CACNB4: variants seen among roughly 807,000 people sequenced by gnomAD.
The protein encoded by CACNB4 is voltage-dependent L-type calcium channel subunit beta-4.
A neutral mutation model predicts 71.2 loss-of-function variants in CACNB4; 32 were observed. That is an observed-to-expected ratio of 0.45 (90% CI 0.34 to 0.60). The LOEUF (loss-of-function observed/expected upper bound fraction) is 0.60, where lower values mean the gene tolerates loss of function less well. Among genes scored for constraint, CACNB4 ranks in the 20% least tolerant of loss-of-function variants. CACNB4 has a pLI of 0.01. For missense variants in CACNB4, 464 were observed against 647.9 expected (o/e 0.72, Z 3.08); for synonymous variants, 231 against 236.9 (o/e 0.97, Z 0.23).
At position 151,870,850 on chromosome 2, in the gene CACNB4, G is replaced by A. The variant is rs1431140995; in HGVS notation, c.610C>T (p.Gln204Ter). The change falls in exon 7 of 14, where the codon CAA (glutamine) becomes TAA (stop). Residue 204 changes from glutamine (Q) to a stop codon, truncating the protein, a stop_gained. Coordinates refer to ENST00000539935, the MANE Select transcript of CACNB4 (RefSeq NM_000726.5). LOFTEE classifies it high-confidence loss of function. ...ATPTSTAKQK[Q>*]KVTEHIPPYD... ...AAGGAAACACAACTTACCACTTTTT[G>A]CTTCTGTTTTGCTAAAAGACAATAA... 1 of 1,601,972 alleles carries A rather than the reference G, an allele frequency of 6.2e-7. No individual in the cohort carries two copies. Among genetic ancestry groups the A allele is most frequent in the African/African-American group, 1.3e-5 (1 of 74,680 alleles).
chr2:151,927,167 G>A (rs1005426372), intron 2 of CACNB4, among the ~76,000 whole-genome samples: 4 of 152,168 alleles, frequency 2.6e-5, no homozygotes, highest in Admixed American at 2.6e-4. Context: ...AGGAGAAGGA[G>A]AAAGAAACAT....
intron 2 of CACNB4, among the ~76,000 whole-genome samples, chr2:152,011,627 A>T (rs1383075337): frequency 6.6e-6 from 1 of 152,176 alleles, no homozygotes; most frequent in African/African-American, 2.4e-5. Context: ...TTTTTGACTG[A>T]TCACCCTGGT....
chr2:152,085,713 G>A (rs1037501414), intron 2 of CACNB4, among the ~76,000 whole-genome samples: 2 of 151,902 alleles, frequency 1.3e-5, no homozygotes, highest in African/African-American at 4.8e-5. Context: ...CACAGTTGTG[G>A]AGGGAGGCCA....
chr2:151,869,272 C>T (rs2099843978), intron 8 of CACNB4, 37 bp from the exon 9 acceptor site: 2 of 1,266,712 alleles, frequency 1.6e-6, no homozygotes, highest in Non-Finnish European at 2.3e-6. Context: ...GAGGCAAACA[C>T]ATGCAGAGAG....
intron 2 of CACNB4, among the ~76,000 whole-genome samples, chr2:152,059,653 A>C (rs968888591): frequency 6.6e-6 from 1 of 152,262 alleles, no homozygotes; most frequent in African/African-American, 2.4e-5. Context: ...GCATTGTCTC[A>C]GATGAGACTG....
At chr2:151,973,100 C>T (rs2099873061) in intron 2 of CACNB4, 1 of 152,276 alleles carries the variant, frequency 6.6e-6, no homozygotes, top group African/African-American at 2.4e-5. Context: ...CTTCGCTCTT[C>T]CAAGGTAGAG....
At chr2:152,005,837 CA>C (rs1303004959) in intron 2 of CACNB4, among the ~76,000 whole-genome samples, 1 of 152,188 alleles carries the variant, frequency 6.6e-6, no homozygotes, top group Non-Finnish European at 1.5e-5. Context: ...TCTGCACCTC[CA>C]TTTCCTTATT....
At chr2:151,881,980 A>G (rs371333602) in intron 3 of CACNB4, among the ~76,000 whole-genome samples, 1 of 148,820 alleles carries the variant, frequency 6.7e-6, no homozygotes, top group Non-Finnish European at 1.5e-5. Context: ...TCCTGGGTTC[A>G]AGTGATTCTC....
chr2:151,901,706 A>G (rs2099853478), intron 2 of CACNB4, among the ~76,000 whole-genome samples: 2 of 152,224 alleles, frequency 1.3e-5, no homozygotes, highest in African/African-American at 4.8e-5. Flanking sequence ...ATAACCAAAG[A>G]ACATAAAAAT....
rs202174702 is a variant in CACNB4 at position 152,058,271 on chromosome 2, A to T, written c.147+40059T>A. ...GACTAATACAGTAAATTGGTACCGC[A>T]AAGAGGGGGGTACTGCTATAAAGAC... On this transcript the variant is annotated intron_variant, in intron 2 of 13. Coordinates refer to ENST00000539935, the MANE Select transcript of CACNB4 (RefSeq NM_000726.5). Among the ~76,000 whole-genome samples the T allele has an allele frequency of 7.9e-5, 12 of 152,314 alleles. No homozygotes were observed. In the East Asian group the frequency reaches 2.1e-3, roughly 27 times the overall value.
At position 152,098,632 on chromosome 2, in the gene CACNB4, A is replaced by G. The variant is rs1381536682; in HGVS notation, c.64-219T>C. ...AGATGCTCGAGAAGAGCAGCCCGCA[A>G]GCACCCACCACATCCATTAACAAAG... On this transcript the variant is annotated intron_variant, in intron 1 of 13. Transcript: ENST00000539935. This position sits in a 1 kb window ranked among gnomAD's most constrained non-coding sequence, Gnocchi z 5.3. 6.4e-7 allele frequency: 1 copy of G among 1,567,038 alleles called. No homozygotes were observed. Among genetic ancestry groups the G allele is most frequent in the Non-Finnish European group, 8.7e-7 (1 of 1,155,500 alleles).
At chr2:152,040,695 C>G (rs1163521630) in intron 2 of CACNB4, among the ~76,000 whole-genome samples, 2 of 152,232 alleles carry the variant, frequency 1.3e-5, no homozygotes, top group Non-Finnish European at 2.9e-5. Context: ...CTCGCCTCGG[C>G]CTCCCAAAGT....
intron 12 of CACNB4, among the ~76,000 whole-genome samples, chr2:151,843,286 A>G (rs376240993): frequency 6.6e-6 from 1 of 152,232 alleles, no homozygotes; most frequent in Admixed American, 6.5e-5. Context: ...GTCATTCCAC[A>G]GGTAAGTGTT....
intron 2 of CACNB4, among the ~76,000 whole-genome samples, chr2:152,032,852 A>G (rs945467465): frequency 2.0e-5 from 3 of 152,194 alleles, no homozygotes; most frequent in African/African-American, 4.8e-5. Context: ...TACTCAGGAG[A>G]CTGAGGCAAG....
chr2:151,988,420 A>T (rs1270817280), intron 2 of CACNB4, among the ~76,000 whole-genome samples: 1 of 152,114 alleles, frequency 6.6e-6, no homozygotes, highest in East Asian at 1.9e-4. Flanking sequence ...TCCCCACCCT[A>T]CATGAGAGTG....
chr2:151,947,113 T>C (rs562441793), intron 2 of CACNB4, among the ~76,000 whole-genome samples: 2 of 152,196 alleles, frequency 1.3e-5, no homozygotes, highest in South Asian at 4.1e-4. Flanking sequence ...ATGAAAAGAA[T>C]GGATTAAACC....
intron 12 of CACNB4, among the ~76,000 whole-genome samples, chr2:151,847,129 C>A (rs2099837809): frequency 6.9e-6 from 1 of 144,836 alleles, no homozygotes; most frequent in Non-Finnish European, 1.5e-5. Context: ...AAGATTGGGG[C>A]AGCACTTTGG....
At position 151,872,468 on chromosome 2, in the gene CACNB4, T is replaced by C; in HGVS notation, c.547A>G (p.Ser183Gly). The C allele has an allele frequency of 6.2e-7, 1 of 1,602,000 alleles. No homozygotes were observed. The highest frequency in any genetic ancestry group is 1.1e-5 in the South Asian group (1 of 90,106). Residue 183 changes from serine to glycine, a missense_variant, in exon 6 of 14, where the codon AGT becomes GGT. This residue lies in a region of CACNB4 where 299 missense variants were observed against 471.7 expected (regional missense o/e 0.63). Coordinates refer to ENST00000539935, the MANE Select transcript of CACNB4 (RefSeq NM_000726.5). The part of the protein sequence containing the change: ...GGKSSGNSSS[S>G]LGEMVSGTFR... Reference sequence around the variant, plus strand: ...GTCCCAGATACCATTTCTCCAAGACTTGAAGAAGAATTTCCACTTGATTTC... The same window carrying C: ...GTCCCAGATACCATTTCTCCAAGACCTGAAGAAGAATTTCCACTTGATTTC...
chr2:152,011,015 C>A (rs1374003227), intron 2 of CACNB4, among the ~76,000 whole-genome samples: 1 of 152,086 alleles, frequency 6.6e-6, no homozygotes, highest in East Asian at 1.9e-4. Context: ...AACAGACACC[C>A]TTGGGTGATC....
Sources: gnomAD v4.1 joint callset for allele counts (sites outside exome capture counted in the v4.1 genomes callset) on GRCh38, gnomAD v4.1.1 for gene constraint, gnomAD v4.1.1 regional missense constraint, Gnocchi (gnomAD v3.1) non-coding constraint, MANE v1.5 for transcripts, NCBI Gene and HGNC (gene_info 2026-07-23, HGNC 2026-07-21) for gene names.